COL20A1: variants seen among roughly 807,000 people sequenced by gnomAD.
The protein encoded by COL20A1 is collagen type XX alpha 1 chain, also known as collagen alpha-1(XX) chain.
COL20A1 carries 164 observed loss-of-function variants against 152.9 expected under a neutral mutation model. That is an observed-to-expected ratio of 1.07 (90% CI 0.94 to 1.22). The LOEUF is 1.22. Ranked by LOEUF, COL20A1 falls within the 50% of genes most tolerant of loss-of-function variation. The probability of loss-of-function intolerance (pLI) is 0.00; values close to 1 mark genes in which losing one functional copy is unlikely to be tolerated. For missense variants in COL20A1, 1,873 were observed against 1,744.8 expected (o/e 1.07, Z -1.31); for synonymous variants, 864 against 756.0 (o/e 1.14, Z -2.34).
chr20:63,322,880 C>G (rs2068186350), intron 27 of COL20A1, among the ~76,000 whole-genome samples: 1 of 152,246 alleles, frequency 6.6e-6, no homozygotes, highest in African/African-American at 2.4e-5. Flanking sequence ...CCTTTTGCAC[C>G]TGCGCTGCCA....
In COL20A1 at chr20:63,310,446, G is replaced by A. The variant is rs759282389; in HGVS notation, c.1329G>A (p.Leu443=). ...LHNLASRTEY[L]VSVFPIYEGG... ...ACCTGGCCTCCCGCACAGAGTACCT[G>A]GTCTCCGTGTTCCCCATCTATGAGG... is the stretch of plus-strand genomic sequence containing the variant. The change falls in exon 11 of 36, where the codon CTG becomes CTA. Residue 443 remains leucine (L), a synonymous_variant. Transcript: ENST00000358894. 6.2e-7 allele frequency: 1 copy of A among 1,609,770 alleles called. No individual in the cohort carries two copies. The highest frequency in any genetic ancestry group is 8.5e-7 in the Non-Finnish European group (1 of 1,178,752).
chr20:63,296,745 C>T (rs1303376981), intron 2 of COL20A1, among the ~76,000 whole-genome samples: 1 of 152,196 alleles, frequency 6.6e-6, no homozygotes, highest in Non-Finnish European at 1.5e-5. Context: ...GCCCCCTCCT[C>T]ATCCCCCACA....
In COL20A1 at chr20:63,325,447, C is replaced by T; in HGVS notation, c.3301C>T (p.Pro1101Ser). The T allele has an allele frequency of 6.2e-7, 1 of 1,612,526 alleles. No individual in the cohort carries two copies. The highest frequency in any genetic ancestry group is 8.5e-7 in the Non-Finnish European group (1 of 1,179,248). ...GCCCATCTTCCCCCTCCAGGGTCCA[C>T]CAGGGGTCAAAGGAGAGAAGGGAGA... ...EQGFPGPRGP[P>S]GVKGEKGDHG... is the part of the protein sequence containing the mutation. The change falls in exon 28 of 36, where the codon CCA (proline) becomes TCA (serine). Residue 1101 changes from proline (P) to serine (S), a missense_variant. Coordinates refer to ENST00000358894, the MANE Select transcript of COL20A1 (RefSeq NM_020882.4).
chr20:63,305,371 ACACGTGTG>A lies in COL20A1; in HGVS notation c.194-42_194-35del, dbSNP rs2067910128. Reference sequence around the variant, plus strand: ...TCACTCCCCGCCGTGACAGATGCACACACGTGTGCACCTTGGCCTCTAAAGCTCTCCCC... The same window carrying A: ...TCACTCCCCGCCGTGACAGATGCACACACCTTGGCCTCTAAAGCTCTCCCC... On this transcript the variant is annotated intron_variant, in intron 3 of 35. Transcript: ENST00000358894. The surrounding 1 kb of genome is among the most constrained non-coding windows in gnomAD (Gnocchi z 4.9). 7 of 1,397,172 alleles carry A rather than the reference ACACGTGTG, an allele frequency of 5.0e-6. No homozygotes were observed. The highest frequency in any genetic ancestry group is 6.5e-6 in the Non-Finnish European group (7 of 1,072,118). 86.5% of individuals were successfully genotyped at this position (1,397,172 alleles called of 1,614,324 possible).
At chr20:63,300,108 A>G (rs1015107586) in intron 3 of COL20A1, among the ~76,000 whole-genome samples, 3 of 152,078 alleles carry the variant, frequency 2.0e-5, no homozygotes, top group Admixed American at 6.6e-5. Flanking sequence ...TATTAAATCA[A>G]TTTGCAAATA....
Position 63,305,921 on chromosome 20 carries a change from G to C in COL20A1, c.378G>C (p.Gln126His). The change falls in exon 5 of 36, where the codon CAG (glutamine) becomes CAC (histidine). Residue 126 changes from glutamine to histidine, a missense_variant. Gln to His is a conservative substitution (Grantham distance 24, BLOSUM62 0). Coordinates refer to ENST00000358894, the MANE Select transcript of COL20A1 (RefSeq NM_020882.4). This position sits in a 1 kb window ranked among gnomAD's most constrained non-coding sequence, Gnocchi z 4.9. ...LKSSSLDRSS[Q>H]RPLGSGAPEP... ...GTAGCTCCCTGGACAGGAGCAGCCAGAGGCCCCTCGGCTCTGGAGCCCCGG... is the reference window on the plus strand; with the variant it reads ...GTAGCTCCCTGGACAGGAGCAGCCACAGGCCCCTCGGCTCTGGAGCCCCGG... 1 of 1,612,924 alleles carries C rather than the reference G, an allele frequency of 6.2e-7. No homozygotes were observed. The highest frequency in any genetic ancestry group is 8.5e-7 in the Non-Finnish European group (1 of 1,179,828).
intron 3 of COL20A1, among the ~76,000 whole-genome samples, chr20:63,299,560 G>A (rs1267897028): frequency 6.6e-6 from 1 of 152,102 alleles, no homozygotes; most frequent in African/African-American, 2.4e-5. Context: ...TTGATGTAGA[G>A]AACAGTTCTG....
At chr20:63,312,123 G>C in intron 14 of COL20A1, 68 bp downstream of exon 14, 1 of 1,468,168 alleles carries the variant, frequency 6.8e-7, no homozygotes, top group Non-Finnish European at 9.0e-7. Context: ...GGCAGGCATG[G>C]GGTGGAGCCA....
Position 63,311,350 on chromosome 20 carries a change from T to C in COL20A1, c.1394-44T>C. On this transcript the variant is annotated intron_variant, in intron 11 of 35. Transcript: ENST00000358894. This position sits in a 1 kb window ranked among gnomAD's most constrained non-coding sequence, Gnocchi z 4.4. ...GGGTGCCCCGTGCGTGGGTGTGATC[T>C]CTGTGTGGGCTCCTTCCTAAAGTGT... 6.5e-7 allele frequency: 1 copy of C among 1,528,326 alleles called. No individual in the cohort carries two copies. Among genetic ancestry groups the C allele is most frequent in the Non-Finnish European group, 8.8e-7 (1 of 1,137,386 alleles). The allele number at this position is 1,528,326 out of a possible 1,614,324, so 94.7% of individuals were successfully genotyped here.
Position 63,313,892 on chromosome 20 carries a change from G to A in COL20A1, c.2358+1G>A, listed in dbSNP as rs200037703. The A allele has an allele frequency of 2.9e-5, 46 of 1,598,392 alleles. No homozygotes were observed. The highest frequency in any genetic ancestry group is 7.9e-5 in the South Asian group (7 of 88,560). On this transcript the variant is annotated splice_donor_variant, in intron 18 of 35. Coordinates refer to ENST00000358894, the MANE Select transcript of COL20A1 (RefSeq NM_020882.4). LOFTEE classifies it high-confidence loss of function. This position sits in a 1 kb window ranked among gnomAD's most constrained non-coding sequence, Gnocchi z 5.9. Reference sequence around the variant, plus strand: ...CTCTGGCTTGGGACCCGAGAAATCCGTGAGTCTTGGTAGAGCCTGAGGCTG... The same window carrying A: ...CTCTGGCTTGGGACCCGAGAAATCCATGAGTCTTGGTAGAGCCTGAGGCTG...
Position 63,309,807 on chromosome 20 carries a change from G to C in COL20A1, c.1155G>C (p.Leu385=). 1 of 1,608,506 alleles carries C rather than the reference G, an allele frequency of 6.2e-7. No homozygotes were observed. Among genetic ancestry groups the C allele is most frequent in the Non-Finnish European group, 8.5e-7 (1 of 1,178,144 alleles). Residue 385 remains leucine, a synonymous_variant, in exon 10 of 36, where the codon CTG becomes CTC. Coordinates refer to ENST00000358894, the MANE Select transcript of COL20A1 (RefSeq NM_020882.4). ...TCCCTGCCCCCACCAGCCTGGTCCTGAGCCAGGTGACCTCCTCCAGCATCC... is the reference window on the plus strand; with the variant it reads ...TCCCTGCCCCCACCAGCCTGGTCCTCAGCCAGGTGACCTCCTCCAGCATCC... ...DTLPAPTSLV[L]SQVTSSSIRL...
chr20:63,329,701 G>A (rs2068306925), intron 35 of COL20A1, 40 bp downstream of exon 35: 2 of 1,432,320 alleles, frequency 1.4e-6, no homozygotes. Flanking sequence ...CAAGGCTGAG[G>A]GCATCCAGGA....
chr20:63,294,838 C>T (rs937771577), intron 1 of COL20A1, among the ~76,000 whole-genome samples: 2 of 152,224 alleles, frequency 1.3e-5, no homozygotes, highest in Non-Finnish European at 2.9e-5. Context: ...AGAGCAGCCC[C>T]CGGTGGTGTA....
rs2068000631 is a variant in COL20A1 at position 63,311,213 on chromosome 20, G to C, written c.1394-181G>C. ...TTAGACAAAACTGTGGGGTGGCCTT[G>C]TGTCCCCAGAGCTGGAGCCACAAAC... On this transcript the variant is annotated intron_variant, in intron 11 of 35. Coordinates refer to ENST00000358894, the MANE Select transcript of COL20A1 (RefSeq NM_020882.4). The surrounding 1 kb of genome is among the most constrained non-coding windows in gnomAD (Gnocchi z 4.4). 6.6e-6 allele frequency among the ~76,000 whole-genome samples: 1 copy of C among 152,206 alleles called. No individual in the cohort carries two copies. The highest frequency in any genetic ancestry group is 2.1e-4 in the South Asian group (1 of 4,832).
intron 2 of COL20A1, 118 bp downstream of exon 2, chr20:63,295,307 C>G: frequency 1.5e-6 from 1 of 661,750 alleles, no homozygotes; most frequent in East Asian, 2.8e-5. Context: ...TGAATGCGTG[C>G]TGAATTCACA....
chr20:63,295,077 A>G (rs778773127), intron 1 of COL20A1, 21 bp from the exon 2 acceptor site: 7 of 1,495,572 alleles, frequency 4.7e-6, no homozygotes, highest in African/African-American at 1.4e-5. Flanking sequence ...GCTGAAGGGC[A>G]TGGCCTCTTC....
chr20:63,308,734 TG>T, intron 8 of COL20A1, 28 bp downstream of exon 8: 1 of 1,550,264 alleles, frequency 6.5e-7, no homozygotes, highest in Admixed American at 1.9e-5. Flanking sequence ...CCCCCGGCCC[TG>T]GAGTCTCACC....
At chr20:63,312,136 C>A in intron 14 of COL20A1, 81 bp downstream of exon 14, 1 of 1,419,312 alleles carries the variant, frequency 7.0e-7, no homozygotes, top group South Asian at 1.4e-5. Flanking sequence ...TGGAGCCAAC[C>A]ATCAGATAAC....
intron 34 of COL20A1, chr20:63,329,261 G>A (rs1301373944): frequency 1.4e-5 from 4 of 293,602 alleles, no homozygotes; most frequent in Non-Finnish European, 2.5e-5. Context: ...CAGCCTGGCA[G>A]ATGAGGGGTA....
Sources: gnomAD v4.1 joint callset for allele counts (sites outside exome capture counted in the v4.1 genomes callset) on GRCh38, gnomAD v4.1.1 for gene constraint, Gnocchi (gnomAD v3.1) non-coding constraint, MANE v1.5 for transcripts, NCBI Gene and HGNC (gene_info 2026-07-23, HGNC 2026-07-21) for gene names.